Variants in GREB1L observed in about 807,000 individuals in gnomAD.
GREB1L encodes GREB1 like retinoic acid receptor coactivator.
Under a neutral mutation model 200.8 loss-of-function variants are expected in GREB1L, and 17 were observed. The observed-to-expected ratio is 0.08, with a 90% confidence interval of 0.06 to 0.13. The LOEUF is 0.13. GREB1L is among the 10% of genes least tolerant of loss of function. The pLI is 1.00. For missense variants in GREB1L, 1,657 were observed against 2,367.7 expected, an observed-to-expected ratio of 0.70 and a Z score of 6.23; for synonymous variants, 789 against 893.0, an observed-to-expected ratio of 0.88 and a Z score of 2.08.
At chr18:21,318,439 CT>C (rs1742253981) in intron 1 of GREB1L, among the ~76,000 whole-genome samples, 1 of 152,038 alleles carries the variant, frequency 6.6e-6, no homozygotes, top group Non-Finnish European at 1.5e-5. Flanking sequence ...TTTCTTAATT[CT>C]TTTCATTATG....
chr18:21,440,597 T>C (rs1242458448), intron 9 of GREB1L, among the ~76,000 whole-genome samples: 1 of 152,188 alleles, frequency 6.6e-6, no homozygotes. Context: ...TTTCAACCCA[T>C]AGCATTGAAA....
intron 1 of GREB1L, among the ~76,000 whole-genome samples, chr18:21,262,609 T>A (rs1209311346): frequency 6.6e-6 from 1 of 152,196 alleles, no homozygotes; most frequent in Non-Finnish European, 1.5e-5. Flanking sequence ...GTAACAAAAA[T>A]TTTATGTTTC....
At chr18:21,502,711 C>T (rs769631173) in intron 23 of GREB1L, among the ~76,000 whole-genome samples, 6 of 152,268 alleles carry the variant, frequency 3.9e-5, no homozygotes, top group Middle Eastern at 6.8e-3. Flanking sequence ...CTCAAAACAC[C>T]CCAAGGCCCC....
At chr18:21,311,670 T>C (rs527504589) in intron 1 of GREB1L, among the ~76,000 whole-genome samples, 2 of 152,306 alleles carry the variant, frequency 1.3e-5, no homozygotes, top group South Asian at 4.1e-4. Context: ...AGAAACAGCT[T>C]GGTTATATTG....
chr18:21,484,267 C>T (rs535702825), intron 17 of GREB1L, among the ~76,000 whole-genome samples: 8 of 151,354 alleles, frequency 5.3e-5, no homozygotes, highest in African/African-American at 1.5e-4. Context: ...CCTCCACCTC[C>T]GGGTTCAAGG....
intron 1 of GREB1L, among the ~76,000 whole-genome samples, chr18:21,285,509 G>A (rs2038341173): frequency 6.6e-6 from 1 of 152,180 alleles, no homozygotes; most frequent in South Asian, 2.1e-4. Context: ...ATCTGGGAGA[G>A]TAGTGGAAAA....
intron 1 of GREB1L, among the ~76,000 whole-genome samples, chr18:21,308,064 T>G (rs1377801471): frequency 6.6e-6 from 1 of 152,238 alleles, no homozygotes; most frequent in Non-Finnish European, 1.5e-5. Flanking sequence ...GTTTCCTGTT[T>G]GGATCCCATC....
chr18:21,260,394 GA>G, intron 1 of GREB1L, among the ~76,000 whole-genome samples: 1 of 151,808 alleles, frequency 6.6e-6, no homozygotes, highest in African/African-American at 2.4e-5. Context: ...ATTAAGGAGG[GA>G]AAAAAAGGAA....
At chr18:21,336,061 T>C (rs1271064838) in intron 1 of GREB1L, among the ~76,000 whole-genome samples, 1 of 152,182 alleles carries the variant, frequency 6.6e-6, no homozygotes, top group Non-Finnish European at 1.5e-5. Flanking sequence ...CGTTCTATCT[T>C]GGTCTCCTCT....
intron 15 of GREB1L, among the ~76,000 whole-genome samples, chr18:21,457,900 TG>T (rs770938389): frequency 2.0e-5 from 3 of 151,962 alleles, no homozygotes; most frequent in Non-Finnish European, 2.9e-5. Context: ...TATGTCATCA[TG>T]TGAATTGAGA....
intron 7 of GREB1L, among the ~76,000 whole-genome samples, chr18:21,434,523 G>GTA (rs1568007651): frequency 5.4e-5 from 7 of 129,040 alleles, no homozygotes; most frequent in African/African-American, 2.7e-4. Context: ...GTGTGTGTGT[G>GTA]TGTGTGTGTA....
intron 31 of GREB1L, among the ~76,000 whole-genome samples, chr18:21,519,560 G>GAT (rs965307811): frequency 6.6e-5 from 10 of 152,110 alleles, no homozygotes; most frequent in African/African-American, 2.4e-4. Context: ...GTCTGACCCA[G>GAT]ATATTCCAAT....
chr18:21,261,006 T>C (rs2037881647), intron 1 of GREB1L, among the ~76,000 whole-genome samples: 1 of 151,988 alleles, frequency 6.6e-6, no homozygotes, highest in South Asian at 2.1e-4. Flanking sequence ...GTATTATTTT[T>C]TAGTTCTATG....
intron 18 of GREB1L, 108 bp from the exon 19 acceptor site, chr18:21,489,904 T>C (rs2036264064): frequency 6.6e-6 from 5 of 759,678 alleles, no homozygotes; most frequent in Admixed American, 5.1e-5. Context: ...ACCACACTGA[T>C]CAGTAGCCCC....
intron 1 of GREB1L, among the ~76,000 whole-genome samples, chr18:21,314,253 C>T (rs2038834560): frequency 6.6e-6 from 1 of 152,124 alleles, no homozygotes; most frequent in Non-Finnish European, 1.5e-5. Context: ...AATGCTTGCT[C>T]CTTACACATC....
rs1430633316 is a variant in GREB1L, at chr18:21,485,706, G to A, written c.2643G>A (p.Leu881=). The A allele has an allele frequency of 6.4e-7, 1 of 1,551,592 alleles. No individual in the cohort carries two copies. Among genetic ancestry groups the A allele is most frequent in the South Asian group, 1.2e-5 (1 of 84,060 alleles). The change falls in exon 18 of 33, where the codon CTG becomes CTA. Residue 881 remains leucine (L), a synonymous_variant. Transcript: ENST00000424526. Reference sequence around the variant, plus strand: ...AGTGGGGGATCACGAGCCCACTTCTGAGATGTGACGAGACTTTTGAAAAAA... The same window carrying A: ...AGTGGGGGATCACGAGCCCACTTCTAAGATGTGACGAGACTTTTGAAAAAA... ...SLQWGITSPL[L]RCDETFEKMV...
At chr18:21,250,931 T>A (rs1321904460) in intron 1 of GREB1L, among the ~76,000 whole-genome samples, 1 of 152,198 alleles carries the variant, frequency 6.6e-6, no homozygotes, top group Non-Finnish European at 1.5e-5. Context: ...TCATCAACAT[T>A]TTGGTAGCCA....
At chr18:21,457,414 T>C (rs1323124376) in intron 15 of GREB1L, among the ~76,000 whole-genome samples, 1 of 152,240 alleles carries the variant, frequency 6.6e-6, no homozygotes, top group Non-Finnish European at 1.5e-5. Flanking sequence ...TAAACATACC[T>C]TTATTTTGTT....
intron 1 of GREB1L, among the ~76,000 whole-genome samples, chr18:21,251,692 A>G (rs917732859): frequency 5.3e-5 from 8 of 152,342 alleles, no homozygotes; most frequent in Non-Finnish European, 1.0e-4. Flanking sequence ...CACACCTGCA[A>G]TCTCAGCACT....
Sources: allele counts gnomAD v4.1 joint callset (sites outside exome capture counted in the v4.1 genomes callset), GRCh38; gene constraint gnomAD v4.1.1; transcripts MANE v1.5; gene names NCBI Gene and HGNC (gene_info 2026-07-23, HGNC 2026-07-21).